The following CTNNA2 variants were observed in gnomAD, a reference collection of about 807,000 sequenced individuals.
CTNNA2 encodes the protein catenin alpha 2.
CTNNA2 carries 42 observed loss-of-function variants against 101.0 expected under a neutral mutation model. That is an observed-to-expected ratio of 0.42 (90% confidence interval 0.32 to 0.54). The LOEUF (loss-of-function observed/expected upper bound fraction) is 0.54. Among genes scored for constraint, CTNNA2 ranks in the 20% least tolerant of loss-of-function variants. The pLI is 0.14. For synonymous variants in CTNNA2, 450 were observed against 456.4 expected (o/e 0.99, Z 0.18); for missense variants, 871 against 1,223.1 (o/e 0.71, Z 4.29).
chr2:80,167,783 G>A (rs945708716), intron 7 of CTNNA2, among the ~76,000 whole-genome samples: 1 of 152,078 alleles, frequency 6.6e-6, no homozygotes, highest in African/African-American at 2.4e-5. Flanking sequence ...TTTCACTAAT[G>A]CATTCAGCTT....
chr2:79,519,697 T>C (rs1182908087), intron 1 of CTNNA2, among the ~76,000 whole-genome samples: 1 of 152,216 alleles, frequency 6.6e-6, no homozygotes, highest in Admixed American at 6.5e-5. Context: ...TCACCTTCAG[T>C]GGCATATGCT....
chr2:79,948,166 AAG>A (rs1688632566), intron 7 of CTNNA2, among the ~76,000 whole-genome samples: 1 of 152,218 alleles, frequency 6.6e-6, no homozygotes, highest in Admixed American at 6.5e-5. Context: ...TTTCTTCAAC[AAG>A]AGAGTGAGAT....
At chr2:79,597,797 A>G (rs915155936) in intron 1 of CTNNA2, among the ~76,000 whole-genome samples, 1 of 152,158 alleles carries the variant, frequency 6.6e-6, no homozygotes, top group Admixed American at 6.5e-5. Context: ...TTATCATCCA[A>G]GATACATAGT....
intron 3 of CTNNA2, among the ~76,000 whole-genome samples, chr2:79,829,562 T>A (rs1678745390): frequency 6.6e-6 from 1 of 151,170 alleles, no homozygotes; most frequent in Non-Finnish European, 1.5e-5. Context: ...AGAGCGAGAC[T>A]CCATCTCAAA....
chr2:79,832,798 C>A (rs72916649), intron 3 of CTNNA2, among the ~76,000 whole-genome samples: 1 of 152,152 alleles, frequency 6.6e-6, no homozygotes, highest in African/African-American at 2.4e-5. Flanking sequence ...CACAAGGCTT[C>A]GCAGTGGTTA....
intron 9 of CTNNA2, among the ~76,000 whole-genome samples, chr2:80,523,027 A>G (rs1374513633): frequency 6.6e-6 from 1 of 152,152 alleles, no homozygotes; most frequent in Non-Finnish European, 1.5e-5. Flanking sequence ...AAAATTACAT[A>G]AAGGTAAGAG....
intron 2 of CTNNA2, among the ~76,000 whole-genome samples, chr2:79,234,242 T>C (rs1029851118): frequency 6.6e-6 from 1 of 152,032 alleles, no homozygotes; most frequent in African/African-American, 2.4e-5. Context: ...TAATAACATA[T>C]CCCTTAGTGC....
intron 12 of CTNNA2, among the ~76,000 whole-genome samples, chr2:80,565,676 T>C (rs1693995582): frequency 6.6e-6 from 1 of 152,114 alleles, no homozygotes. Flanking sequence ...TATGGCTCTT[T>C]CATGTGCTAG....
chr2:79,298,486 C>A (rs935597569), intron 2 of CTNNA2, among the ~76,000 whole-genome samples: 2 of 152,208 alleles, frequency 1.3e-5, no homozygotes, highest in African/African-American at 4.8e-5. Flanking sequence ...CATCACCCCC[C>A]AAAAATCTGG....
chr2:79,814,638 C>CATAT (rs1553472821), intron 3 of CTNNA2, among the ~76,000 whole-genome samples: 4,511 of 146,928 alleles, frequency 0.031, 215 homozygotes, highest in African/African-American at 0.1. Flanking sequence ...CACACACACA[C>CATAT]ATATATATAT....
At chr2:80,042,595 G>C (rs1360141552) in intron 7 of CTNNA2, among the ~76,000 whole-genome samples, 1 of 152,046 alleles carries the variant, frequency 6.6e-6, no homozygotes, top group Non-Finnish European at 1.5e-5. Context: ...TGTCGAGAAG[G>C]ATCTTGAGGC....
intron 7 of CTNNA2, among the ~76,000 whole-genome samples, chr2:80,315,662 T>C (rs1271482643): frequency 2.0e-5 from 3 of 152,208 alleles, no homozygotes; most frequent in African/African-American, 4.8e-5. Context: ...AAATTGCTGT[T>C]GTCTGTTAAC....
At chr2:79,415,862 T>G (rs2104496915) in intron 4 of CTNNA2, among the ~76,000 whole-genome samples, 1 of 152,286 alleles carries the variant, frequency 6.6e-6, no homozygotes, top group South Asian at 2.1e-4. Flanking sequence ...TGTGTATGAA[T>G]TATCAGTCTT....
intron 2 of CTNNA2, among the ~76,000 whole-genome samples, chr2:79,686,616 G>A (rs1683947059): frequency 6.6e-6 from 1 of 151,926 alleles, no homozygotes; most frequent in African/African-American, 2.4e-5. Context: ...CAGAATGAGA[G>A]GAAGAAGTAA....
chr2:79,529,290 C>T (rs1002299503), intron 1 of CTNNA2, among the ~76,000 whole-genome samples: 1 of 152,114 alleles, frequency 6.6e-6, no homozygotes, highest in Non-Finnish European at 1.5e-5. Context: ...AGATTCAGGA[C>T]AAAGGCAAAG....
intron 1 of CTNNA2, among the ~76,000 whole-genome samples, chr2:79,569,175 C>T (rs796895093): frequency 1.3e-5 from 2 of 152,092 alleles, no homozygotes; most frequent in East Asian, 1.9e-4. Flanking sequence ...GCTTCTTTCA[C>T]CAGCCAGAAG....
At position 80,536,030 on chromosome 2, in the gene CTNNA2, TTC is replaced by T. The variant is rs569202248; in HGVS notation, c.1291-8950_1291-8949del. ...CTGAGCCTGTTTTTCTACCAGCTGC[TTC>T]TGTCTTGCCTCTCAAAGGTTTCAGG... On this transcript the variant is annotated intron_variant, in intron 9 of 18. Transcript: ENST00000402739. 2.3e-3 allele frequency among the ~76,000 whole-genome samples: 354 copies of T among 152,298 alleles called. 1 individual carries two copies. The highest frequency in any genetic ancestry group is 8.1e-3 in the African/African-American group (335 of 41,568).
intron 7 of CTNNA2, among the ~76,000 whole-genome samples, chr2:79,990,702 T>C (rs1159753267): frequency 6.6e-6 from 1 of 152,236 alleles, no homozygotes; most frequent in Non-Finnish European, 1.5e-5. Context: ...GCACCTGTAT[T>C]TGAAGATGGA....
intron 7 of CTNNA2, among the ~76,000 whole-genome samples, chr2:80,320,030 T>C (rs2149244326): frequency 6.6e-6 from 1 of 152,366 alleles, no homozygotes; most frequent in Admixed American, 6.5e-5. Context: ...GATTCTGACA[T>C]TTGGCGATTG....
Sources: gnomAD v4.1 joint callset for allele counts (sites outside exome capture counted in the v4.1 genomes callset) on GRCh38, gnomAD v4.1.1 for gene constraint, MANE v1.5 for transcripts, NCBI Gene and HGNC (gene_info 2026-07-23, HGNC 2026-07-21) for gene names.